The following FRMD5 variants were observed in gnomAD, a reference collection of about 807,000 sequenced individuals.
FRMD5 encodes FERM domain containing 5.
A neutral mutation model predicts 69.0 loss-of-function variants in FRMD5; 20 were observed. The ratio of observed to expected loss-of-function variants is 0.29; its 90% CI spans 0.20 to 0.42. FRMD5 has a LOEUF of 0.42. FRMD5 is among the 10% of genes least tolerant of loss of function. FRMD5 has a pLI of 1.00. For missense variants in FRMD5, 595 were observed against 708.6 expected, an observed-to-expected ratio of 0.84 and a Z score of 1.82; for synonymous variants, 271 against 260.1, an observed-to-expected ratio of 1.04 and a Z score of -0.40.
intron 1 of FRMD5, among the ~76,000 whole-genome samples, chr15:43,937,454 A>G (rs1043477904): frequency 3.9e-5 from 6 of 152,114 alleles, no homozygotes; most frequent in African/African-American, 1.4e-4. Context: ...CCTGGCTAAC[A>G]TGGCAAAACC....
intron 1 of FRMD5, among the ~76,000 whole-genome samples, chr15:44,054,857 G>A (rs1175952269): frequency 1.3e-5 from 2 of 151,978 alleles, no homozygotes; most frequent in Non-Finnish European, 2.9e-5. Flanking sequence ...ACATCACGAG[G>A]TCAGGAGTTC....
At chr15:43,923,289 AC>A (rs1318445273) in intron 2 of FRMD5, among the ~76,000 whole-genome samples, 3 of 152,254 alleles carry the variant, frequency 2.0e-5, no homozygotes, top group African/African-American at 7.2e-5. Context: ...CATGGAACTT[AC>A]ATTTTTGCAG....
intron 1 of FRMD5, among the ~76,000 whole-genome samples, chr15:44,186,201 A>G (rs2078098429): frequency 1.3e-5 from 2 of 152,194 alleles, no homozygotes; most frequent in Admixed American, 1.3e-4. Flanking sequence ...TGCTGGGATT[A>G]CAGGCGTGAG....
intron 13 of FRMD5, among the ~76,000 whole-genome samples, chr15:43,877,607 A>G (rs2088399518): frequency 6.6e-6 from 1 of 152,252 alleles, no homozygotes; most frequent in South Asian, 2.1e-4. Context: ...GGCACCTGCC[A>G]TCTAGTTACG....
chr15:43,925,003 CTTT>C (rs58833260), intron 1 of FRMD5, among the ~76,000 whole-genome samples: 3 of 129,016 alleles, frequency 2.3e-5, no homozygotes, highest in Admixed American at 8.4e-5. Flanking sequence ...CTTGTATATC[CTTT>C]TTTTTTTTTT....
intron 1 of FRMD5, among the ~76,000 whole-genome samples, chr15:44,072,714 T>C (rs1168942901): frequency 1.3e-5 from 2 of 152,182 alleles, no homozygotes; most frequent in Non-Finnish European, 2.9e-5. Flanking sequence ...TTCAACTAAT[T>C]GGATTATGAT....
chr15:43,984,402 G>A (rs773213908), intron 1 of FRMD5, among the ~76,000 whole-genome samples: 9 of 152,220 alleles, frequency 5.9e-5, no homozygotes, highest in Non-Finnish European at 1.3e-4. Context: ...CCAGTGGACA[G>A]CAGCTTAGGC....
intron 1 of FRMD5, among the ~76,000 whole-genome samples, chr15:44,091,912 T>C (rs1409038259): frequency 6.6e-6 from 1 of 152,128 alleles, no homozygotes; most frequent in Non-Finnish European, 1.5e-5. Flanking sequence ...AGTGCCTATG[T>C]ATGAATTTAG....
At chr15:44,186,611 C>T (rs2078106801) in intron 1 of FRMD5, among the ~76,000 whole-genome samples, 1 of 152,196 alleles carries the variant, frequency 6.6e-6, no homozygotes, top group African/African-American at 2.4e-5. Flanking sequence ...AGGTCTTGGG[C>T]CTGTGGGCCT....
intron 1 of FRMD5, among the ~76,000 whole-genome samples, chr15:43,932,409 A>G (rs1035891178): frequency 5.9e-5 from 9 of 152,168 alleles, no homozygotes; most frequent in Non-Finnish European, 1.3e-4. Flanking sequence ...TGATCAGAAG[A>G]GTAGAAAATT....
Position 43,969,033 on chromosome 15 carries a change from G to A in FRMD5, c.103-44724C>T, listed in dbSNP as rs537547679. On this transcript the variant is annotated intron_variant, in intron 1 of 13. Transcript: ENST00000417257. ...CTAGAGGCCTTAATACTGATTTAGA[G>A]GTAAGAAAATAGTTTGTTACTGGCA... Among the ~76,000 whole-genome samples, 6 of 152,004 alleles carry A rather than the reference G, an allele frequency of 3.9e-5. No homozygotes were observed. The South Asian group carries it at 1.3e-3, about 32-fold the overall frequency.
intron 1 of FRMD5, among the ~76,000 whole-genome samples, chr15:44,144,032 A>G (rs1185814589): frequency 2.0e-5 from 3 of 152,072 alleles, no homozygotes; most frequent in African/African-American, 4.8e-5. Context: ...GCTAAAAACA[A>G]TGCCAGATAT....
At chr15:43,972,039 A>AT (rs558342370) in intron 1 of FRMD5, among the ~76,000 whole-genome samples, 3,575 of 147,632 alleles carry the variant, frequency 0.024, 59 homozygotes, top group Non-Finnish European at 0.036. Flanking sequence ...CTATTAAAAA[A>AT]ATATATATTT....
At chr15:44,129,815 T>C (rs2077073716) in intron 1 of FRMD5, among the ~76,000 whole-genome samples, 2 of 152,136 alleles carry the variant, frequency 1.3e-5, no homozygotes, top group African/African-American at 2.4e-5. Context: ...AGAAAAGTCA[T>C]TCTAGATGCT....
chr15:43,879,697 T>G (rs1342497604), intron 13 of FRMD5: 1 of 398,964 alleles, frequency 2.5e-6, no homozygotes, highest in Non-Finnish European at 4.4e-6. Flanking sequence ...AAATACTTCT[T>G]CAGTGGAAAC....
chr15:43,978,295 C>T (rs1470309530), intron 1 of FRMD5, among the ~76,000 whole-genome samples: 2 of 152,162 alleles, frequency 1.3e-5, no homozygotes, highest in Non-Finnish European at 2.9e-5. Context: ...AAAAGAGATA[C>T]AGCTACTGGA....
chr15:43,918,826 C>A (rs981581103), intron 4 of FRMD5, among the ~76,000 whole-genome samples: 2 of 152,190 alleles, frequency 1.3e-5, no homozygotes, highest in South Asian at 4.1e-4. Context: ...CCTGGGGAAG[C>A]TTTGAAGCTC....
chr15:43,949,031 A>G (rs149762453), intron 1 of FRMD5, among the ~76,000 whole-genome samples: 2,309 of 152,346 alleles, frequency 0.015, 66 homozygotes, highest in African/African-American at 0.054. Flanking sequence ...TTCATGGGAC[A>G]CTTCTGCTTC....
intron 1 of FRMD5, among the ~76,000 whole-genome samples, chr15:43,978,046 GA>G (rs1388502036): frequency 2.0e-5 from 3 of 151,648 alleles, no homozygotes; most frequent in Non-Finnish European, 4.4e-5. Context: ...CCTCCCTATA[GA>G]AACTTTATTA....
Sources: allele counts gnomAD v4.1 joint callset (sites outside exome capture counted in the v4.1 genomes callset), GRCh38; gene constraint gnomAD v4.1.1; transcripts MANE v1.5; gene names NCBI Gene and HGNC (gene_info 2026-07-23, HGNC 2026-07-21).